UBE4B: variants seen among roughly 807,000 people sequenced by gnomAD.
The protein encoded by UBE4B is ubiquitination factor E4B.
A neutral mutation model predicts 148.1 loss-of-function variants in UBE4B; 27 were observed. The ratio of observed to expected loss-of-function variants is 0.18; its 90% CI spans 0.13 to 0.25. The LOEUF is 0.25. UBE4B is among the 10% of genes least tolerant of loss of function. UBE4B has a pLI of 1.00. For synonymous variants in UBE4B, 596 were observed against 619.3 expected, an observed-to-expected ratio of 0.96 and a Z score of 0.56; for missense variants, 1,170 against 1,662.4, an observed-to-expected ratio of 0.70 and a Z score of 5.15.
chr1:10,121,433 C>G (rs1046583875), intron 9 of UBE4B, among the ~76,000 whole-genome samples: 2 of 152,068 alleles, frequency 1.3e-5, no homozygotes, highest in African/African-American at 4.8e-5. Context: ...TTTTAAGAGA[C>G]AGAATCTCAC....
intron 25 of UBE4B, among the ~76,000 whole-genome samples, chr1:10,175,408 T>C (rs1406381851): frequency 6.6e-6 from 1 of 151,984 alleles, no homozygotes; most frequent in Non-Finnish European, 1.5e-5. Context: ...TCCCAGCACT[T>C]TGGGAGGCCA....
chr1:10,152,816 G>A (rs1053326612), intron 21 of UBE4B, among the ~76,000 whole-genome samples: 2 of 151,510 alleles, frequency 1.3e-5, no homozygotes, highest in Non-Finnish European at 2.9e-5. Context: ...AAAAAAAAAA[G>A]CACTGGGATA....
chr1:10,046,830 C>CT (rs1330820089), intron 1 of UBE4B, among the ~76,000 whole-genome samples: 1 of 152,186 alleles, frequency 6.6e-6, no homozygotes. Flanking sequence ...TTACCAGACT[C>CT]TGAAAACTTT....
intron 1 of UBE4B, among the ~76,000 whole-genome samples, chr1:10,055,422 C>G (rs1014389662): frequency 6.6e-6 from 1 of 152,186 alleles, no homozygotes. Context: ...TCCGGTGATC[C>G]TCCTGTCTTA....
At chr1:10,101,451 TA>T (rs1318153918) in intron 4 of UBE4B, among the ~76,000 whole-genome samples, 1 of 148,976 alleles carries the variant, frequency 6.7e-6, no homozygotes, top group African/African-American at 2.4e-5. Context: ...TAGGTTGTAA[TA>T]GGAACTAATT....
At chr1:10,044,552 T>TCTTC (rs553765104) in intron 1 of UBE4B, among the ~76,000 whole-genome samples, 155 of 151,890 alleles carry the variant, frequency 1.0e-3, no homozygotes, top group African/African-American at 3.0e-3. Flanking sequence ...CCTTCCTTAC[T>TCTTC]CTTCCTTCCT....
At chr1:10,115,211 C>T (rs184020973) in intron 7 of UBE4B, among the ~76,000 whole-genome samples, 1 of 150,866 alleles carries the variant, frequency 6.6e-6, no homozygotes, top group African/African-American at 2.4e-5. Flanking sequence ...GTCTCGAACT[C>T]CTGACCTCAA....
intron 1 of UBE4B, among the ~76,000 whole-genome samples, chr1:10,041,131 A>G (rs1327019170): frequency 6.6e-6 from 1 of 152,002 alleles, no homozygotes; most frequent in Admixed American, 6.6e-5. Flanking sequence ...AAGGATATAA[A>G]CTTGCTTCAC....
Position 10,132,517 on chromosome 1 carries a change from C to A in UBE4B, c.2025+35C>A. ...CTACAGACTGCTTTTCGCTGTTTGT[C>A]AAATTCATTCATCTGACCCAGATTT... On this transcript the variant is annotated intron_variant, in intron 15 of 27. Transcript: ENST00000343090. The A allele has an allele frequency of 1.9e-6, 3 of 1,576,036 alleles. No homozygotes were observed. The South Asian group carries it at 3.3e-5, about 18-fold the overall frequency.
intron 1 of UBE4B, among the ~76,000 whole-genome samples, chr1:10,038,362 A>G (rs1219975584): frequency 6.6e-6 from 1 of 152,154 alleles, no homozygotes; most frequent in Non-Finnish European, 1.5e-5. Context: ...CTTTTTAGCA[A>G]GGTTCTGTAA....
chr1:10,165,631 CCAGCCAGACT>C (rs1463333416), intron 23 of UBE4B, among the ~76,000 whole-genome samples: 1 of 152,140 alleles, frequency 6.6e-6, no homozygotes, highest in Non-Finnish European at 1.5e-5. Context: ...TCACTCTACC[CCAGCCAGACT>C]CACCTCCTGG....
chr1:10,042,167 T>C (rs1475721860), intron 1 of UBE4B, among the ~76,000 whole-genome samples: 2 of 152,146 alleles, frequency 1.3e-5, no homozygotes, highest in Non-Finnish European at 2.9e-5. Context: ...CCCAAGCTCT[T>C]GTAGGGAAAG....
chr1:10,137,024 C>T (rs766739938), intron 16 of UBE4B, 43 bp from the exon 17 acceptor site: 8 of 1,607,530 alleles, frequency 5.0e-6, no homozygotes, highest in Non-Finnish European at 6.8e-6. Context: ...CTGATTGAGA[C>T]ATGTAATAGA....
intron 1 of UBE4B, among the ~76,000 whole-genome samples, chr1:10,071,451 G>A (rs528119331): frequency 6.6e-6 from 1 of 152,210 alleles, no homozygotes; most frequent in South Asian, 2.1e-4. Context: ...AGCTGGACAT[G>A]GTGGTTTGCA....
At chr1:10,039,064 A>G (rs946336047) in intron 1 of UBE4B, among the ~76,000 whole-genome samples, 3 of 151,462 alleles carry the variant, frequency 2.0e-5, no homozygotes, top group Admixed American at 6.6e-5. Context: ...CATCAAAAAA[A>G]CAAACAAACA....
chr1:10,135,404 GA>G (rs1645663395), intron 16 of UBE4B, among the ~76,000 whole-genome samples: 1 of 152,068 alleles, frequency 6.6e-6, no homozygotes, highest in Non-Finnish European at 1.5e-5. Context: ...AGGAGTTCAA[GA>G]CCAGCCTGAC....
At chr1:10,146,820 C>T in intron 18 of UBE4B, 143 bp from the exon 19 acceptor site, 1 of 1,004,842 alleles carries the variant, frequency 1.0e-6, no homozygotes, top group South Asian at 1.8e-5. Flanking sequence ...ACACAACCAG[C>T]ATCTTATAGC....
intron 24 of UBE4B, among the ~76,000 whole-genome samples, chr1:10,169,139 G>T (rs1646300647): frequency 6.6e-6 from 1 of 152,136 alleles, no homozygotes; most frequent in Admixed American, 6.5e-5. Context: ...AAACTGAGCA[G>T]CATCACTGAA....
intron 2 of UBE4B, among the ~76,000 whole-genome samples, chr1:10,076,149 T>G (rs543029581): frequency 6.6e-6 from 1 of 152,164 alleles, no homozygotes; most frequent in East Asian, 1.9e-4. Context: ...TCTGTGGTCC[T>G]GGAAGTTAGA....
Sources: allele counts gnomAD v4.1 joint callset (sites outside exome capture counted in the v4.1 genomes callset), GRCh38; gene constraint gnomAD v4.1.1; transcripts MANE v1.5; gene names NCBI Gene and HGNC (gene_info 2026-07-23, HGNC 2026-07-21).